NAMPT: variants seen among roughly 807,000 people sequenced by gnomAD.
NAMPT encodes the protein NAmPRTase.
Under a neutral mutation model 58.7 loss-of-function variants are expected in NAMPT, and 7 were observed. That is an observed-to-expected ratio of 0.12 (90% CI 0.07 to 0.22). NAMPT has a LOEUF of 0.22. Ranked by LOEUF, NAMPT falls within the 10% of genes least tolerant of loss-of-function variation. The pLI is 1.00. For synonymous variants in NAMPT, 145 were observed against 198.1 expected, an observed-to-expected ratio of 0.73 and a Z score of 2.25; for missense variants, 271 against 567.9, an observed-to-expected ratio of 0.48 and a Z score of 5.31.
intron 8 of NAMPT, among the ~76,000 whole-genome samples, chr7:106,260,457 A>T (rs999361689): frequency 6.6e-6 from 1 of 152,254 alleles, no homozygotes; most frequent in Non-Finnish European, 1.5e-5. Context: ...GGTTGCTTTG[A>T]TCTTCTATTC....
chr7:106,252,134 T>C (rs1792114563), intron 10 of NAMPT, among the ~76,000 whole-genome samples: 1 of 152,148 alleles, frequency 6.6e-6, no homozygotes, highest in East Asian at 1.9e-4. Flanking sequence ...ATCATTCACA[T>C]ACTCTTAAAT....
intron 6 of NAMPT, among the ~76,000 whole-genome samples, chr7:106,265,351 T>TA (rs1792389812): frequency 6.6e-6 from 1 of 152,168 alleles, no homozygotes; most frequent in Non-Finnish European, 1.5e-5. Context: ...GCTTTCTCCA[T>TA]GACACCTGAA....
intron 8 of NAMPT, among the ~76,000 whole-genome samples, chr7:106,257,160 A>G (rs1210966380): frequency 6.6e-6 from 1 of 151,826 alleles, no homozygotes; most frequent in Non-Finnish European, 1.5e-5. Context: ...AAAAAAAGAG[A>G]AAAAGATATT....
intron 10 of NAMPT, among the ~76,000 whole-genome samples, chr7:106,251,630 G>T (rs1417541855): frequency 6.6e-6 from 1 of 152,098 alleles, no homozygotes; most frequent in African/African-American, 2.4e-5. Flanking sequence ...TCAAATGGAA[G>T]TTTAAGAAAT....
chr7:106,284,732 G>GCCCCCCC, intron 1 of NAMPT, 96 bp downstream of exon 1: 2 of 205,774 alleles, frequency 9.7e-6, no homozygotes, highest in Non-Finnish European at 1.7e-5. Flanking sequence ...CCCAGCCCCA[G>GCCCCCCC]CCCCAACCCC....
At chr7:106,272,102 C>G (rs1296841001) in intron 4 of NAMPT, 1 of 388,140 alleles carries the variant, frequency 2.6e-6, no homozygotes, top group African/African-American at 2.2e-5. Flanking sequence ...ATCCTAAGAC[C>G]TAAACTGATG....
At chr7:106,277,962 C>A (rs1444959666) in intron 1 of NAMPT, among the ~76,000 whole-genome samples, 1 of 152,106 alleles carries the variant, frequency 6.6e-6, no homozygotes, top group Non-Finnish European at 1.5e-5. Flanking sequence ...TAAATTCAAA[C>A]ATTTTACCAA....
chr7:106,267,840 CAAAAAAAAAAAAAAAAAAAA>C (rs769070307), intron 6 of NAMPT, among the ~76,000 whole-genome samples: 120 of 33,180 alleles, frequency 3.6e-3, no homozygotes, highest in East Asian at 0.01. Flanking sequence ...GACTCCGTCT[CAAAAAAAAAAAAAAAAAAAA>C]AAAAAAAAAA....
At chr7:106,260,766 A>G (rs1454932717) in intron 8 of NAMPT, among the ~76,000 whole-genome samples, 2 of 152,210 alleles carry the variant, frequency 1.3e-5, no homozygotes, top group African/African-American at 4.8e-5. Flanking sequence ...GTCTCAGGGC[A>G]TAGGGAAACT....
upstream of NAMPT, chr7:106,285,123 T>A: frequency 2.3e-6 from 3 of 1,306,854 alleles, no homozygotes; most frequent in Non-Finnish European, 2.9e-6. Context: ...TCTGGCGGAC[T>A]CCCCACCTCG....
intron 6 of NAMPT, 69 bp from the exon 7 acceptor site, chr7:106,263,686 T>C: frequency 1.8e-6 from 2 of 1,130,998 alleles, no homozygotes; most frequent in East Asian, 2.3e-5. Flanking sequence ...TCACCTTTAA[T>C]CATATCTCAT....
intron 4 of NAMPT, among the ~76,000 whole-genome samples, chr7:106,269,517 A>T (rs999945422): frequency 1.3e-5 from 2 of 152,194 alleles, no homozygotes; most frequent in African/African-American, 4.8e-5. Context: ...CAAAGAAGAT[A>T]AGCACACCAG....
At chr7:106,255,115 C>T (rs1481003414) in intron 8 of NAMPT, among the ~76,000 whole-genome samples, 2 of 152,284 alleles carry the variant, frequency 1.3e-5, no homozygotes, top group Non-Finnish European at 2.9e-5. Flanking sequence ...GTTAAGATTA[C>T]TGTATCATTT....
At position 106,249,533 on chromosome 7, in the gene NAMPT, C is replaced by T. The variant is rs1257671306; in HGVS notation, c.*1550G>A. On this transcript the variant is annotated 3_prime_UTR_variant, in exon 11 of 11. Transcript: ENST00000222553. ...TATCAATTATTTAGCCTCCTCCCTT[C>T]CCTAGAAACCAACATTTCCTTTTAA... The T allele has an allele frequency of 6.6e-6, 1 of 152,152 alleles. No homozygotes were observed. The highest frequency in any genetic ancestry group is 1.5e-5 in the Non-Finnish European group (1 of 67,950). 9.4% of individuals were successfully genotyped at this position (152,152 alleles called of 1,614,324 possible). A position where few individuals can be genotyped will look rare whatever the true frequency, so the allele number is the denominator to read the frequency against.
At chr7:106,278,506 G>A (rs1357858182) in intron 1 of NAMPT, among the ~76,000 whole-genome samples, 1 of 152,122 alleles carries the variant, frequency 6.6e-6, no homozygotes, top group Non-Finnish European at 1.5e-5. Context: ...ATATGTCAGG[G>A]CTTATTAAGG....
intron 1 of NAMPT, 90 bp downstream of exon 1, chr7:106,284,738 A>AACCCC: frequency 2.2e-4 from 109 of 485,986 alleles, no homozygotes; most frequent in Non-Finnish European, 3.0e-4. Flanking sequence ...CCCAGCCCCA[A>AACCCC]CCCCAGCCCC....
chr7:106,263,163 T>G (rs1002691437), intron 7 of NAMPT: 3 of 486,474 alleles, frequency 6.2e-6, no homozygotes, highest in Non-Finnish European at 1.1e-5. Flanking sequence ...AAACAAAATA[T>G]CTATTCAAAT....
intron 1 of NAMPT, among the ~76,000 whole-genome samples, chr7:106,280,982 C>A (rs1482195371): frequency 1.3e-5 from 2 of 150,824 alleles, no homozygotes; most frequent in African/African-American, 4.9e-5. Context: ...AAATGTAGTT[C>A]TTTTAACATA....
chr7:106,281,245 T>C (rs549980445), intron 1 of NAMPT, among the ~76,000 whole-genome samples: 10 of 152,022 alleles, frequency 6.6e-5, no homozygotes, highest in Non-Finnish European at 1.5e-4. Context: ...ATATGACACA[T>C]ATATTTCAGT....
Sources: allele counts gnomAD v4.1 joint callset (sites outside exome capture counted in the v4.1 genomes callset), GRCh38; gene constraint gnomAD v4.1.1; transcripts MANE v1.5; gene names NCBI Gene and HGNC (gene_info 2026-07-23, HGNC 2026-07-21).